Variants in ZNF232 observed in about 807,000 individuals in gnomAD.
ZNF232 encodes zinc finger and SCAN domain-containing protein 11.
ZNF232 carries 25 observed loss-of-function variants against 25.2 expected under a neutral mutation model. That is an observed-to-expected ratio of 0.99 (90% CI 0.72 to 1.39). The LOEUF is 1.39. ZNF232 is among the 40% of genes most tolerant of loss of function. ZNF232 has a pLI of 0.00. For synonymous variants in ZNF232, 193 were observed against 182.9 expected, an observed-to-expected ratio of 1.06 and a Z score of -0.45; for missense variants, 519 against 520.9, an observed-to-expected ratio of 1.00 and a Z score of 0.04.
chr17:5,113,498 AC>A (rs1467919866), upstream of ZNF232: 8 of 152,386 alleles, frequency 5.2e-5, no homozygotes, highest in South Asian at 1.2e-3. Context: ...ATCCTACAGA[AC>A]AGATTGAATC....
chr17:5,111,350 G>A, intron 1 of ZNF232: 1 of 196,148 alleles, frequency 5.1e-6, no homozygotes, highest in Non-Finnish European at 1.0e-5. Flanking sequence ...GAAGGAGGTG[G>A]AACGCATCAG....
intron 3 of ZNF232, among the ~76,000 whole-genome samples, chr17:5,108,014 GA>G (rs1212589613): frequency 2.0e-5 from 3 of 152,066 alleles, no homozygotes; most frequent in Non-Finnish European, 4.4e-5. Context: ...AAGGAGACAA[GA>G]AAAAGTCTGG....
chr17:5,106,060 C>G, exon 4 of ZNF232: 1 of 1,614,190 alleles, frequency 6.2e-7, no homozygotes, highest in Non-Finnish European at 8.5e-7. Flanking sequence ...CATCTGAAGG[C>G]CTTCCCACAT....
intron 1 of ZNF232, among the ~76,000 whole-genome samples, chr17:5,117,315 A>C (rs1241618623): frequency 6.6e-6 from 1 of 152,146 alleles, no homozygotes; most frequent in African/African-American, 2.4e-5. Context: ...CAGGAGTTTG[A>C]GACCAGCCTG....
chr17:5,106,096 C>T (rs2072254179), exon 4 of ZNF232: 1 of 1,614,076 alleles, frequency 6.2e-7, no homozygotes, highest in Non-Finnish European at 8.5e-7. Context: ...GGTTTCTCTC[C>T]TGTATGAATT....
upstream of ZNF232, chr17:5,113,516 T>A (rs1226809024): frequency 6.6e-6 from 1 of 152,240 alleles, no homozygotes; most frequent in Non-Finnish European, 1.5e-5. Context: ...AATCACAACT[T>A]CTACTTTTAC....
chr17:5,109,320 C>T (rs149824709), intron 2 of ZNF232, 74 bp downstream of exon 2: 18,053 of 1,571,092 alleles, frequency 0.011, 147 homozygotes, highest in Middle Eastern at 0.019. Context: ...GGCACCTCCC[C>T]CTACAGCTGC....
In ZNF232 at chr17:5,105,955, GAT is replaced by G; in HGVS notation, c.1175_1176del (p.Tyr392SerfsTer17). The G allele has an allele frequency of 6.2e-7, 1 of 1,614,158 alleles. No individual in the cohort carries two copies. Among genetic ancestry groups the G allele is most frequent in the Non-Finnish European group, 8.5e-7 (1 of 1,180,024 alleles). ...CTGTGAATTCTCCGATGCTGACTTA[GAT>G]ATGAGCTTTGACTAAAGGCCTTCCC... On this transcript the variant is annotated frameshift_variant, in exon 4 of 4. Transcript: ENST00000575898. LOFTEE classifies it low-confidence loss of function (END_TRUNC).
At chr17:5,115,779 T>G (rs1457400916), upstream of ZNF232, among the ~76,000 whole-genome samples, 1 of 152,192 alleles carries the variant, frequency 6.6e-6, no homozygotes. Context: ...TTCACTCTCC[T>G]GCACTCGTGC....
chr17:5,108,792 G>T, intron 3 of ZNF232, 134 bp downstream of exon 3: 2 of 1,398,444 alleles, frequency 1.4e-6, no homozygotes, highest in Non-Finnish European at 1.9e-6. Flanking sequence ...TCACCTAAGA[G>T]ATAAGAATAG....
chr17:5,106,675 C>T, intron 3 of ZNF232, 142 bp from the exon 4 acceptor site: 1 of 717,270 alleles, frequency 1.4e-6, no homozygotes, highest in South Asian at 2.1e-5. Flanking sequence ...GGTGATGGGA[C>T]TATACAGAGG....
upstream of ZNF232, among the ~76,000 whole-genome samples, chr17:5,113,009 A>G (rs1447236692): frequency 6.6e-6 from 1 of 152,228 alleles, no homozygotes; most frequent in Non-Finnish European, 1.5e-5. Context: ...ATTTTGCAGG[A>G]TATTGATTGA....
At position 5,111,794 on chromosome 17, in the gene ZNF232, A is replaced by C. The variant is rs868058424; in HGVS notation, c.23+6T>G. 4 of 1,613,530 alleles carry C rather than the reference A, an allele frequency of 2.5e-6. No individual in the cohort carries two copies. Among genetic ancestry groups the C allele is most frequent in the Non-Finnish European group, 3.4e-6 (4 of 1,179,816 alleles). The stretch of plus-strand genomic sequence containing the variant: ...GGACCTCGGGGAAGCCGCCGCCAAC[A>C]CTCACCTCACAGGACCAGGAGGTTC... On this transcript the variant is annotated splice_donor_region_variant and intron_variant, in intron 1 of 3. Transcript: ENST00000575898.
intron 1 of ZNF232, among the ~76,000 whole-genome samples, chr17:5,110,312 T>G (rs991008793): frequency 6.6e-6 from 1 of 152,172 alleles, no homozygotes; most frequent in African/African-American, 2.4e-5. Context: ...TCTGCTGCAC[T>G]AAGTCAATGT....
chr17:5,121,447 T>C, intron 1 of ZNF232: 1 of 292,154 alleles, frequency 3.4e-6, no homozygotes, highest in Non-Finnish European at 6.7e-6. Flanking sequence ...GATATGGAGC[T>C]CTACATCTCT....
Position 5,111,784 on chromosome 17 carries a change from C to T in ZNF232, c.23+16G>A. The T allele has an allele frequency of 6.2e-7, 1 of 1,613,812 alleles. No individual in the cohort carries two copies. The highest frequency in any genetic ancestry group is 8.5e-7 in the Non-Finnish European group (1 of 1,179,876). On this transcript the variant is annotated intron_variant, in intron 1 of 3. Coordinates refer to ENST00000575898, the Ensembl canonical transcript of ZNF232. Reference sequence around the variant, plus strand: ...GCCGCCAGGTGGACCTCGGGGAAGCCGCCGCCAACACTCACCTCACAGGAC... The same window carrying T: ...GCCGCCAGGTGGACCTCGGGGAAGCTGCCGCCAACACTCACCTCACAGGAC...
chr17:5,111,746 G>C, intron 1 of ZNF232, 54 bp downstream of exon 1: 2 of 1,612,744 alleles, frequency 1.2e-6, no homozygotes, highest in Non-Finnish European at 1.7e-6. Context: ...CCTGCGGGAC[G>C]GGCAAAAGCC....
At chr17:5,106,681 AGAG>A (rs1463256857) in intron 3 of ZNF232, 148 bp from the exon 4 acceptor site, 8 of 611,696 alleles carry the variant, frequency 1.3e-5, no homozygotes, top group Non-Finnish European at 2.1e-5. Context: ...GGGACTATAC[AGAG>A]GAGAGGGTTT....
At chr17:5,109,922 C>T in intron 1 of ZNF232, 54 bp from the exon 2 acceptor site, 2 of 1,499,796 alleles carry the variant, frequency 1.3e-6, no homozygotes, top group Non-Finnish European at 1.8e-6. Context: ...CAGAGTCTTT[C>T]TCTGTTACCC....
Sources: gnomAD v4.1 joint callset for allele counts (sites outside exome capture counted in the v4.1 genomes callset) on GRCh38, gnomAD v4.1.1 for gene constraint, MANE v1.5 for transcripts, NCBI Gene and HGNC (gene_info 2026-07-23, HGNC 2026-07-21) for gene names.